Variants in PON3 observed in about 807,000 individuals in gnomAD.
The protein encoded by PON3 is serum paraoxonase/lactonase 3.
In PON3, 37 loss-of-function variants were observed where a neutral mutation model predicts 36.3. The observed-to-expected ratio is 1.02, with a 90% CI of 0.78 to 1.34. The LOEUF is 1.34. PON3 is among the 40% of genes most tolerant of loss of function. The pLI, the probability that PON3 is intolerant of heterozygous loss-of-function variation, is 0.00. For missense variants in PON3, 415 were observed against 426.5 expected (o/e 0.97, Z 0.24); for synonymous variants, 155 against 154.8 (o/e 1.00, Z -0.01).
chr7:95,372,803 G>A (rs1415525653), intron 3 of PON3, among the ~76,000 whole-genome samples: 1 of 152,048 alleles, frequency 6.6e-6, no homozygotes, highest in East Asian at 1.9e-4. Flanking sequence ...TTCCTACATC[G>A]ATTATATCAT....
rs1808634248 is a variant in PON3 at position 95,363,906 on chromosome 7, C to T, written c.652G>A (p.Gly218Arg). 1.1e-5 allele frequency: 17 copies of T among 1,613,752 alleles called. No individual in the cohort carries two copies. The highest frequency in any genetic ancestry group is 1.4e-5 in the Non-Finnish European group (17 of 1,179,698). The change falls in exon 6 of 9, where the codon GGA becomes AGA. Residue 218 changes from glycine (G) to arginine (R), a missense_variant. Gly to Arg is a moderately radical substitution (Grantham distance 125). Coordinates refer to ENST00000265627, the MANE Select transcript of PON3 (RefSeq NM_000940.3). ...GTGATCCCATTGGCACTACAAAATC[C>T]TTTGGCCACCACTTTAACCTCCCTT... Reference protein sequence around the residue: ...SPREVKVVAKGFCSANGITVS... With the variant: ...SPREVKVVAKRFCSANGITVS...
At chr7:95,361,672 T>C (rs1466700455) in intron 8 of PON3, among the ~76,000 whole-genome samples, 2 of 152,194 alleles carry the variant, frequency 1.3e-5, no homozygotes, top group Non-Finnish European at 2.9e-5. Context: ...AAGTACAATG[T>C]CTGACACATT....
intron 4 of PON3, among the ~76,000 whole-genome samples, chr7:95,369,340 CAAAG>C (rs1370667286): frequency 2.0e-5 from 3 of 152,066 alleles, no homozygotes; most frequent in Non-Finnish European, 4.4e-5. Flanking sequence ...TAAATTAAAA[CAAAG>C]AATACTAGAG....
intron 3 of PON3, among the ~76,000 whole-genome samples, chr7:95,375,391 A>G (rs1010966236): frequency 6.6e-6 from 1 of 150,622 alleles, no homozygotes; most frequent in African/African-American, 2.4e-5. Context: ...ATAATTATAT[A>G]CATATAAATA....
Position 95,365,214 on chromosome 7 carries a change from C to T in PON3, c.495-1151G>A, listed in dbSNP as rs1008722995. ...AGGCTCCTCTTTAGATCCTCATAGC[C>T]TCACCTACCTTGTTCCAGCTGCTGC... On this transcript the variant is annotated intron_variant, in intron 5 of 8. Transcript: ENST00000265627. 3 of 152,434 alleles carry T rather than the reference C, an allele frequency of 2.0e-5. No homozygotes were observed. The East Asian group carries it at 5.8e-4, about 29-fold the overall frequency. The allele number at this position is 152,434 out of a possible 1,614,324, so 9.4% of individuals were successfully genotyped here.
intron 4 of PON3, among the ~76,000 whole-genome samples, chr7:95,369,026 C>G (rs1052305282): frequency 1.3e-4 from 20 of 152,176 alleles, no homozygotes; most frequent in African/African-American, 4.8e-4. Flanking sequence ...GTAAAAGACA[C>G]AGGATTAGAA....
chr7:95,361,500 A>G (rs771025251), intron 8 of PON3, among the ~76,000 whole-genome samples: 8 of 152,112 alleles, frequency 5.3e-5, no homozygotes, highest in Non-Finnish European at 1.2e-4. Context: ...GCATATAGTA[A>G]TCCTGATCCC....
At chr7:95,387,064 G>T (rs569757549) in intron 3 of PON3, among the ~76,000 whole-genome samples, 1 of 152,234 alleles carries the variant, frequency 6.6e-6, no homozygotes, top group Non-Finnish European at 1.5e-5. Context: ...CATTCCATTT[G>T]AAAACCTGCA....
At chr7:95,384,715 T>C (rs1258825983) in intron 3 of PON3, among the ~76,000 whole-genome samples, 1 of 152,158 alleles carries the variant, frequency 6.6e-6, no homozygotes, top group Non-Finnish European at 1.5e-5. Flanking sequence ...CTAGAGAGGA[T>C]ATGGAGAAAT....
At chr7:95,381,710 T>G (rs1325825780) in intron 3 of PON3, among the ~76,000 whole-genome samples, 1 of 152,136 alleles carries the variant, frequency 6.6e-6, no homozygotes, top group African/African-American at 2.4e-5. Context: ...AAGCAAGTCC[T>G]TAGAGACCTA....
At chr7:95,372,416 G>A (rs1050188036) in intron 3 of PON3, 78 bp from the exon 4 acceptor site, 57 of 1,495,808 alleles carry the variant, frequency 3.8e-5, no homozygotes, top group Middle Eastern at 3.5e-4. Flanking sequence ...AAATCTCAAA[G>A]CCAAATAAAA....
rs376273034 is a variant in PON3 at position 95,366,996 on chromosome 7, G to A, written c.494+366C>T. Among the ~76,000 whole-genome samples, 29 of 152,240 alleles carry A rather than the reference G, an allele frequency of 1.9e-4. No individual in the cohort carries two copies. The South Asian group carries it at 5.6e-3, about 30-fold the overall frequency. On this transcript the variant is annotated intron_variant, in intron 5 of 8. Coordinates refer to ENST00000265627, the MANE Select transcript of PON3 (RefSeq NM_000940.3). ...AGGTTGGTTATAACACCCAGTGGGT[G>A]AGGCTCACAGAACACAACCTACTAG...
chr7:95,362,570 C>T (rs1808596919), intron 7 of PON3, 80 bp from the exon 8 acceptor site: 1 of 1,597,338 alleles, frequency 6.3e-7, no homozygotes, highest in East Asian at 2.2e-5. Context: ...ACAACCCCTA[C>T]AGCTTCTTCT....
chr7:95,384,163 A>C (rs996774091), intron 3 of PON3, among the ~76,000 whole-genome samples: 1 of 152,228 alleles, frequency 6.6e-6, no homozygotes, highest in Non-Finnish European at 1.5e-5. Flanking sequence ...GTAGAAAGCC[A>C]AAACTGGATC....
intron 3 of PON3, among the ~76,000 whole-genome samples, chr7:95,380,675 A>C (rs1314443536): frequency 6.6e-6 from 1 of 152,242 alleles, no homozygotes; most frequent in African/African-American, 2.4e-5. Context: ...AGAAATGAAC[A>C]AAGCCTCCAA....
At chr7:95,386,810 G>C (rs980577205) in intron 3 of PON3, among the ~76,000 whole-genome samples, 1 of 152,148 alleles carries the variant, frequency 6.6e-6, no homozygotes, top group Non-Finnish European at 1.5e-5. Context: ...CTTCATCCCA[G>C]AGATGCAAGG....
rs1049016539 is a variant in PON3 at position 95,365,358 on chromosome 7, G to A, written c.495-1295C>T. ...CACTTCCAGATTTCATGTTGACATT[G>A]AGTCATAGGATACCACAAAACTAGA... is the stretch of plus-strand genomic sequence containing the variant. On this transcript the variant is annotated intron_variant, in intron 5 of 8. Coordinates refer to ENST00000265627, the MANE Select transcript of PON3 (RefSeq NM_000940.3). 5 of 152,258 alleles carry A rather than the reference G, an allele frequency of 3.3e-5. 1 individual carries two copies. Among genetic ancestry groups the A allele is most frequent in the Admixed American group, 3.3e-4 (5 of 15,272 alleles). 9.4% of individuals were successfully genotyped at this position (152,258 alleles called of 1,614,324 possible).
intron 5 of PON3, 129 bp downstream of exon 5, chr7:95,367,233 A>T: frequency 8.6e-7 from 1 of 1,160,038 alleles, no homozygotes; most frequent in Non-Finnish European, 1.2e-6. Flanking sequence ...GGGAATCATT[A>T]GAAAGCTTTA....
At chr7:95,367,625 T>C (rs1017095189) in intron 4 of PON3, 137 bp from the exon 5 acceptor site, 1 of 886,858 alleles carries the variant, frequency 1.1e-6, no homozygotes, top group African/African-American at 1.7e-5. Flanking sequence ...ACATGATAGG[T>C]AAGTCAGACA....
Sources: gnomAD v4.1 joint callset for allele counts (sites outside exome capture counted in the v4.1 genomes callset) on GRCh38, gnomAD v4.1.1 for gene constraint, MANE v1.5 for transcripts, NCBI Gene and HGNC (gene_info 2026-07-23, HGNC 2026-07-21) for gene names.